The following P4HA3 variants were observed in gnomAD, a reference collection of about 807,000 sequenced individuals.
P4HA3 encodes the protein prolyl 4-hydroxylase subunit alpha-3.
A neutral mutation model predicts 66.7 loss-of-function variants in P4HA3; 60 were observed. That is an observed-to-expected ratio of 0.90 (90% confidence interval 0.73 to 1.12). The LOEUF is 1.12. P4HA3 is among the 50% of genes most tolerant of loss of function. The pLI, the probability that P4HA3 is intolerant of heterozygous loss-of-function variation, is 0.00. For synonymous variants in P4HA3, 263 were observed against 274.6 expected, an observed-to-expected ratio of 0.96 and a Z score of 0.42; for missense variants, 683 against 685.8, an observed-to-expected ratio of 1.00 and a Z score of 0.05.
At chr11:74,259,076 A>G (rs145443116) in intron 15 of P4HA3, among the ~76,000 whole-genome samples, 1,767 of 152,278 alleles carry the variant, frequency 0.012, 22 homozygotes, top group Middle Eastern at 0.024. Flanking sequence ...GCAGTGGCCC[A>G]TGCTGCATCC....
Position 74,267,323 on chromosome 11 carries a change from G to C in P4HA3, c.1565-5C>G. The C allele has an allele frequency of 6.2e-7, 1 of 1,614,022 alleles. No homozygotes were observed. The highest frequency in any genetic ancestry group is 8.5e-7 in the Non-Finnish European group (1 of 1,179,940). On this transcript the variant is annotated splice_region_variant and splice_polypyrimidine_tract_variant and intron_variant, in intron 12 of 12. Coordinates refer to ENST00000331597, the MANE Select transcript of P4HA3 (RefSeq NM_182904.5). The stretch of plus-strand genomic sequence containing the variant: ...CATGTATCCACTTGTTGGCCACTGG[G>C]AGAGAACAGGGAAGAAGGAGACAGC...
At chr11:74,292,815 T>G (rs1861077871) in intron 4 of P4HA3, among the ~76,000 whole-genome samples, 2 of 152,212 alleles carry the variant, frequency 1.3e-5, no homozygotes, top group South Asian at 4.1e-4. Context: ...GACAGACAGT[T>G]TGTTATAATT....
intron 7 of P4HA3, 97 bp from the exon 8 acceptor site, chr11:74,279,549 T>C: frequency 8.6e-7 from 1 of 1,157,440 alleles, no homozygotes; most frequent in Non-Finnish European, 1.3e-6. Flanking sequence ...AGCATCAACA[T>C]AACAGATGCC....
intron 10 of P4HA3, among the ~76,000 whole-genome samples, chr11:74,272,578 A>G (rs1265439763): frequency 6.6e-6 from 1 of 152,200 alleles, no homozygotes; most frequent in Non-Finnish European, 1.5e-5. Flanking sequence ...GAACTGAGCC[A>G]CATAGAGAAA....
intron 4 of P4HA3, among the ~76,000 whole-genome samples, chr11:74,296,582 A>G (rs1423727765): frequency 1.3e-5 from 2 of 152,188 alleles, no homozygotes; most frequent in South Asian, 4.1e-4. Flanking sequence ...GGAAGACTTC[A>G]CAAAGTAGGT....
chr11:74,297,316 C>T (rs529031725), intron 4 of P4HA3, among the ~76,000 whole-genome samples: 3 of 152,238 alleles, frequency 2.0e-5, no homozygotes, highest in South Asian at 2.1e-4. Flanking sequence ...AGGAACAGGA[C>T]TGTTTGCTGC....
In P4HA3 at chr11:74,282,143, C is replaced by A. The variant is rs74765513; in HGVS notation, c.1111-2691G>T. 2.7e-3 allele frequency among the ~76,000 whole-genome samples: 380 copies of A among 142,730 alleles called. 1 individual carries two copies. Among genetic ancestry groups the A allele is most frequent in the Admixed American group, 9.3e-3 (134 of 14,336 alleles). 93.6% of individuals were successfully genotyped at this position (142,730 alleles called of 152,430 possible). A position where few individuals can be genotyped will look rare whatever the true frequency, so the allele number is the denominator to read the frequency against. ...AAATCAATGGTTTAAAAAAAAAAAA[C>A]AAAAAAAAACCCTAAGGAATCCCCC... On this transcript the variant is annotated intron_variant, in intron 7 of 12. Transcript: ENST00000331597.
At chr11:74,272,292 C>CTA (rs1239706720) in intron 10 of P4HA3, among the ~76,000 whole-genome samples, 156 of 152,212 alleles carry the variant, frequency 1.0e-3, no homozygotes, top group African/African-American at 3.6e-3. Context: ...GCTACCTTCG[C>CTA]TATAGTAACT....
At chr11:74,309,651 T>C (rs947106908) in intron 1 of P4HA3, among the ~76,000 whole-genome samples, 1 of 152,190 alleles carries the variant, frequency 6.6e-6, no homozygotes, top group African/African-American at 2.4e-5. Context: ...AGAAAACATT[T>C]GGCTCGGTCA....
chr11:74,304,823 T>C (rs1434855116), intron 1 of P4HA3, among the ~76,000 whole-genome samples: 2 of 152,126 alleles, frequency 1.3e-5, no homozygotes, highest in African/African-American at 4.8e-5. Flanking sequence ...TATATAGTGG[T>C]CCCCAACCTT....
At chr11:74,289,281 G>A (rs1860920684) in intron 4 of P4HA3, 151 bp from the exon 5 acceptor site, 1 of 650,190 alleles carries the variant, frequency 1.5e-6, no homozygotes, top group East Asian at 3.2e-5. Flanking sequence ...GACCAGAAAT[G>A]CAGAGGATCT....
intron 5 of P4HA3, among the ~76,000 whole-genome samples, chr11:74,287,495 T>A (rs1860839805): frequency 6.6e-6 from 1 of 152,198 alleles, no homozygotes; most frequent in Non-Finnish European, 1.5e-5. Flanking sequence ...AAGATTTTAA[T>A]AGATCAAGTG....
chr11:74,296,428 A>G (rs1861214524), intron 4 of P4HA3, among the ~76,000 whole-genome samples: 1 of 152,202 alleles, frequency 6.6e-6, no homozygotes, highest in African/African-American at 2.4e-5. Context: ...AAAGGTCCAC[A>G]GGGACATTTA....
chr11:74,251,124 C>T, intron 15 of P4HA3: 1 of 1,524,630 alleles, frequency 6.6e-7, no homozygotes, highest in African/African-American at 1.4e-5. Flanking sequence ...GCAGCAGCTG[C>T]TGTGGAGCCT....
rs1370898087 is a variant in P4HA3, at chr11:74,267,046, C to T, written c.*202G>A. ...GTACTGTGCATCCTACTCTGACTTC[C>T]GTGGCTGGGGCAGATCAAATGTACA... On this transcript the variant is annotated 3_prime_UTR_variant, in exon 13 of 13. Transcript: ENST00000331597. 43 of 1,535,568 alleles carry T rather than the reference C, an allele frequency of 2.8e-5. No individual in the cohort carries two copies. The highest frequency in any genetic ancestry group is 3.2e-5 in the Non-Finnish European group (37 of 1,146,272).
At chr11:74,297,420 G>A (rs1591128930) in intron 4 of P4HA3, among the ~76,000 whole-genome samples, 2 of 152,280 alleles carry the variant, frequency 1.3e-5, no homozygotes, top group African/African-American at 4.8e-5. Flanking sequence ...GGAAAAAAAA[G>A]GTAGGGAGCA....
At chr11:74,283,992 C>G (rs980877578) in intron 7 of P4HA3, among the ~76,000 whole-genome samples, 1 of 152,220 alleles carries the variant, frequency 6.6e-6, no homozygotes, top group Non-Finnish European at 1.5e-5. Context: ...AGAACCAATA[C>G]TTCATCTCAC....
Position 74,267,241 on chromosome 11 carries a change from C to T in P4HA3, c.*7G>A. 6.2e-7 allele frequency: 1 copy of T among 1,614,176 alleles called. No individual in the cohort carries two copies. The highest frequency in any genetic ancestry group is 8.5e-7 in the Non-Finnish European group (1 of 1,180,030). ...CAGGACTCCACCAGCTTCTCTCTGC[C>T]AACAGTTCAGTCTTCAGGGCTGGAG... On this transcript the variant is annotated 3_prime_UTR_variant, in exon 13 of 13. Transcript: ENST00000331597.
chr11:74,270,014 C>A (rs1591089324), intron 10 of P4HA3, among the ~76,000 whole-genome samples: 1 of 152,156 alleles, frequency 6.6e-6, no homozygotes. Flanking sequence ...TTGACTGAGA[C>A]CCTTAGGAAA....
Sources: allele counts gnomAD v4.1 joint callset (sites outside exome capture counted in the v4.1 genomes callset), GRCh38; gene constraint gnomAD v4.1.1; transcripts MANE v1.5; gene names NCBI Gene and HGNC (gene_info 2026-07-23, HGNC 2026-07-21).